HMMR: variants seen among roughly 807,000 people sequenced by gnomAD.
HMMR encodes hyaluronan mediated motility receptor.
A neutral mutation model predicts 101.0 loss-of-function variants in HMMR; 108 were observed. That is an observed-to-expected ratio of 1.07 (90% CI 0.92 to 1.25). HMMR has a LOEUF of 1.25. HMMR is among the 50% of genes most tolerant of loss of function. The pLI is 0.00. For missense variants in HMMR, 813 were observed against 788.7 expected (o/e 1.03, Z -0.37); for synonymous variants, 296 against 276.4 (o/e 1.07, Z -0.70).
At chr5:163,484,415 T>C (rs1468428616) in intron 16 of HMMR, among the ~76,000 whole-genome samples, 170 bp downstream of exon 16, 1 of 152,152 alleles carries the variant, frequency 6.6e-6, no homozygotes, top group African/African-American at 2.4e-5. Flanking sequence ...CAGATGGGCA[T>C]TCAATGTTCT....
chr5:163,469,872 A>G (rs1272017262), intron 5 of HMMR, 43 bp downstream of exon 5: 1 of 1,421,826 alleles, frequency 7.0e-7, no homozygotes, highest in Admixed American at 2.0e-5. Context: ...AATAAATATA[A>G]ACACGTTTTT....
At position 163,490,392 on chromosome 5, in the gene HMMR, A is replaced by C; in HGVS notation, c.1965A>C (p.Glu655Asp). 1 of 1,552,342 alleles carries C rather than the reference A, an allele frequency of 6.4e-7. No individual in the cohort carries two copies. Among genetic ancestry groups the C allele is most frequent in the Non-Finnish European group, 8.7e-7 (1 of 1,143,286 alleles). ...ACCTATTATTTCTTTTTACCTAGGA[A>C]GTATCAAAACTCCGCTGTCAGCTTG... ...LKDENSQLKS[E>D]VSKLRCQLAK... The change falls in exon 17 of 18, where the codon GAA becomes GAC. Residue 655 changes from glutamate to aspartate, a missense_variant and splice_region_variant. Physicochemically the swap from Glu to Asp is conservative, Grantham distance 45. Coordinates refer to ENST00000393915, the MANE Select transcript of HMMR (RefSeq NM_001142556.2).
Position 163,471,602 on chromosome 5 carries a change from C to G in HMMR, c.650+139C>G, listed in dbSNP as rs540952731. 3 of 598,646 alleles carry G rather than the reference C, an allele frequency of 5.0e-6. No homozygotes were observed. The Admixed American group carries it at 9.6e-5, about 19-fold the overall frequency. The allele number at this position is 598,646 out of a possible 1,614,324, so 37.1% of individuals were successfully genotyped here. On this transcript the variant is annotated intron_variant, in intron 7 of 17. Coordinates refer to ENST00000393915, the MANE Select transcript of HMMR (RefSeq NM_001142556.2). ...GCCTCCCTCCAGTTGCCCTATTTCT[C>G]TTTTTAAACTAGAATGAGCCCTAAT... is the stretch of plus-strand genomic sequence containing the variant.
At chr5:163,478,162 C>T (rs893269591) in intron 11 of HMMR, among the ~76,000 whole-genome samples, 2 of 152,072 alleles carry the variant, frequency 1.3e-5, no homozygotes, top group Non-Finnish European at 2.9e-5. Flanking sequence ...ACTTAAAACC[C>T]ATTCTGTCTA....
chr5:163,469,876 C>G, intron 5 of HMMR, 47 bp downstream of exon 5: 2 of 1,371,092 alleles, frequency 1.5e-6, no homozygotes, highest in South Asian at 1.3e-5. Flanking sequence ...AATATAAACA[C>G]GTTTTTTAGG....
rs776517307 is a variant in HMMR, at chr5:163,463,950, A to G, written c.141A>G (p.Gln47=). 9.7e-6 allele frequency: 11 copies of G among 1,136,256 alleles called. No homozygotes were observed. The Admixed American group carries it at 1.9e-4, about 20-fold the overall frequency. The allele number at this position is 1,136,256 out of a possible 1,614,324, so 70.4% of individuals were successfully genotyped here. The stretch of plus-strand genomic sequence containing the variant: ...AGAAATCACAAAGATTTAAACAACA[A>G]AAAGGTAATATAGATCACCAAAGAA... ...SFQKSQRFKQ[Q]KESKQNLNVD... Residue 47 remains glutamine (Q), a synonymous_variant, in exon 2 of 18, where the codon CAA becomes CAG. Coordinates refer to ENST00000393915, the MANE Select transcript of HMMR (RefSeq NM_001142556.2).
intron 16 of HMMR, among the ~76,000 whole-genome samples, chr5:163,487,955 A>G (rs758869103): frequency 1.1e-4 from 16 of 152,112 alleles, no homozygotes; most frequent in Non-Finnish European, 2.2e-4. Flanking sequence ...CCCTGGGCTC[A>G]GGTGATCCTC....
At chr5:163,472,035 T>TTTA (rs1311461143) in intron 7 of HMMR, among the ~76,000 whole-genome samples, 8 of 148,554 alleles carry the variant, frequency 5.4e-5, no homozygotes, top group South Asian at 2.1e-4. Flanking sequence ...CCTTTTTTTA[T>TTTA]TTATTATTAT....
chr5:163,485,690 T>C (rs1010188061), intron 16 of HMMR, among the ~76,000 whole-genome samples: 2 of 152,202 alleles, frequency 1.3e-5, no homozygotes, highest in African/African-American at 4.8e-5. Context: ...ATTTTTTTGT[T>C]TGTTCGTTCC....
intron 16 of HMMR, among the ~76,000 whole-genome samples, chr5:163,489,701 T>C (rs1477901524): frequency 3.3e-5 from 5 of 152,114 alleles, no homozygotes; most frequent in African/African-American, 1.2e-4. Context: ...GTTCCATGAA[T>C]GGGGCTGACT....
At position 163,479,611 on chromosome 5, in the gene HMMR, T is replaced by G. The variant is rs561275033; in HGVS notation, c.1385+811T>G. On this transcript the variant is annotated intron_variant, in intron 12 of 17. Coordinates refer to ENST00000393915, the MANE Select transcript of HMMR (RefSeq NM_001142556.2). Reference sequence around the variant, plus strand: ...CCAGGAGTTCCAGGCTGCACTGAGCTAAGATCACACCACTGCGCTCCAGCC... The same window carrying G: ...CCAGGAGTTCCAGGCTGCACTGAGCGAAGATCACACCACTGCGCTCCAGCC... Among the ~76,000 whole-genome samples, 412 of 152,264 alleles carry G rather than the reference T, an allele frequency of 2.7e-3. 3 individuals are homozygous for G. The highest frequency in any genetic ancestry group is 8.7e-3 in the South Asian group (42 of 4,822).
intron 12 of HMMR, among the ~76,000 whole-genome samples, chr5:163,479,051 C>T (rs1759166665): frequency 6.6e-6 from 1 of 152,160 alleles, no homozygotes; most frequent in Admixed American, 6.5e-5. Flanking sequence ...GAGCCAGGTG[C>T]GGCAGCATAT....
intron 7 of HMMR, among the ~76,000 whole-genome samples, chr5:163,471,672 T>C (rs1758895377): frequency 6.6e-6 from 1 of 152,220 alleles, no homozygotes; most frequent in South Asian, 2.1e-4. Context: ...AGTGCATTAC[T>C]TTTGTACATC....
intron 16 of HMMR, among the ~76,000 whole-genome samples, chr5:163,488,600 A>G (rs1434446124): frequency 2.6e-5 from 4 of 152,132 alleles, no homozygotes. Flanking sequence ...GTTGCTGTTC[A>G]GGGAGGTACA....
At chr5:163,482,002 C>G (rs1307990493) in intron 12 of HMMR, among the ~76,000 whole-genome samples, 2 of 152,046 alleles carry the variant, frequency 1.3e-5, no homozygotes, top group Admixed American at 6.5e-5. Flanking sequence ...TGCAACCTCC[C>G]CCTCCCAGGT....
chr5:163,486,397 A>T (rs1267388786), intron 16 of HMMR, among the ~76,000 whole-genome samples: 1 of 152,102 alleles, frequency 6.6e-6, no homozygotes, highest in Non-Finnish European at 1.5e-5. Flanking sequence ...TGTTTTGTAA[A>T]TGAAATTGTT....
intron 10 of HMMR, 92 bp from the exon 11 acceptor site, chr5:163,475,366 T>C: frequency 1.6e-6 from 1 of 631,226 alleles, no homozygotes; most frequent in East Asian, 2.8e-5. Flanking sequence ...AATTTAGGTT[T>C]CATCCTTCTT....
intron 15 of HMMR, 123 bp downstream of exon 15, chr5:163,483,490 A>G (rs1296325130): frequency 3.5e-6 from 2 of 567,520 alleles, no homozygotes; most frequent in Non-Finnish European, 6.4e-6. Context: ...TACAGTGCCA[A>G]TTTAGCTCAC....
intron 12 of HMMR, 70 bp downstream of exon 12, chr5:163,478,870 T>C (rs778956765): frequency 5.9e-6 from 5 of 844,142 alleles, no homozygotes; most frequent in Non-Finnish European, 1.0e-5. Flanking sequence ...CCAGGAAATA[T>C]GTGAGCAAAG....
Sources: allele counts gnomAD v4.1 joint callset (sites outside exome capture counted in the v4.1 genomes callset), GRCh38; gene constraint gnomAD v4.1.1; transcripts MANE v1.5; gene names NCBI Gene and HGNC (gene_info 2026-07-23, HGNC 2026-07-21).